The following CAMTA1 variants were observed in gnomAD, a reference collection of about 807,000 sequenced individuals.
CAMTA1 encodes calmodulin binding transcription activator 1.
Under a neutral mutation model 170.9 loss-of-function variants are expected in CAMTA1, and 27 were observed. That is an observed-to-expected ratio of 0.16 (90% confidence interval 0.12 to 0.22). The LOEUF (loss-of-function observed/expected upper bound fraction) is 0.22, where lower values mean the gene tolerates loss of function less well. CAMTA1 is among the 10% of genes least tolerant of loss of function. CAMTA1 has a pLI of 1.00. For synonymous variants in CAMTA1, 833 were observed against 891.5 expected, an observed-to-expected ratio of 0.93 and a Z score of 1.17; for missense variants, 1,619 against 2,217.2, an observed-to-expected ratio of 0.73 and a Z score of 5.42.
rs149691104 is a variant in CAMTA1, at chr1:7,507,622, C to T, written c.510+39721C>T. Among the ~76,000 whole-genome samples the T allele has an allele frequency of 2.3e-4, 35 of 152,330 alleles. No homozygotes were observed. In the East Asian group the frequency reaches 6.8e-3, roughly 29 times the overall value. On this transcript the variant is annotated intron_variant, in intron 6 of 22. Transcript: ENST00000303635. The stretch of plus-strand genomic sequence containing the variant: ...CGAGGAGCCCTGCAAGATGGAAGTG[C>T]AGGAAGGAGGGAGGCAGGGTGGAGG...
At chr1:7,468,836 T>C (rs1230579740) in intron 6 of CAMTA1, among the ~76,000 whole-genome samples, 1 of 151,858 alleles carries the variant, frequency 6.6e-6, no homozygotes, top group Non-Finnish European at 1.5e-5. Context: ...GGGGGTGTAG[T>C]TGGAGGGGCC....
chr1:7,643,638 A>C (rs1576559322), intron 7 of CAMTA1, among the ~76,000 whole-genome samples: 3 of 152,368 alleles, frequency 2.0e-5, no homozygotes, highest in Admixed American at 2.0e-4. Flanking sequence ...GGGAACTGTG[A>C]ATGCCTGCTC....
At chr1:7,105,028 G>T (rs1490765341) in intron 4 of CAMTA1, among the ~76,000 whole-genome samples, 1 of 152,104 alleles carries the variant, frequency 6.6e-6, no homozygotes, top group Non-Finnish European at 1.5e-5. Context: ...GTGTGTCTGG[G>T]AATATCTCTA....
intron 5 of CAMTA1, among the ~76,000 whole-genome samples, chr1:7,439,568 C>T (rs1321179822): frequency 6.6e-6 from 1 of 152,214 alleles, no homozygotes; most frequent in Non-Finnish European, 1.5e-5. Context: ...TGAGGACCCT[C>T]TGAGCTACTG....
chr1:7,631,094 T>C (rs759132752), intron 6 of CAMTA1, among the ~76,000 whole-genome samples: 3 of 152,104 alleles, frequency 2.0e-5, no homozygotes, highest in Non-Finnish European at 4.4e-5. Context: ...ACAGAGGGTG[T>C]TCTAACTACT....
chr1:7,307,794 G>A (rs1675819539), intron 5 of CAMTA1, among the ~76,000 whole-genome samples: 1 of 151,662 alleles, frequency 6.6e-6, no homozygotes. Flanking sequence ...TGTTTCTGAG[G>A]GATATTGGTT....
chr1:7,409,176 C>G (rs986768163), intron 5 of CAMTA1, among the ~76,000 whole-genome samples: 3 of 152,218 alleles, frequency 2.0e-5, no homozygotes, highest in Non-Finnish European at 4.4e-5. Context: ...GGTCCACCTA[C>G]TCAGGGCATG....
intron 3 of CAMTA1, among the ~76,000 whole-genome samples, chr1:6,960,299 A>T (rs867750326): frequency 6.6e-6 from 1 of 152,126 alleles, no homozygotes; most frequent in East Asian, 1.9e-4. Flanking sequence ...AGGGGGCCAG[A>T]TGGAGGGAAA....
intron 5 of CAMTA1, among the ~76,000 whole-genome samples, chr1:7,451,553 G>A (rs925923576): frequency 6.6e-6 from 1 of 152,142 alleles, no homozygotes; most frequent in Non-Finnish European, 1.5e-5. Flanking sequence ...ACCAGAATAC[G>A]CACTGTGTGC....
intron 3 of CAMTA1, among the ~76,000 whole-genome samples, chr1:6,942,922 T>G (rs1686898645): frequency 6.6e-6 from 1 of 152,180 alleles, no homozygotes; most frequent in Non-Finnish European, 1.5e-5. Flanking sequence ...CAGTCTGCTC[T>G]GGGCCGAGCA....
At chr1:7,656,393 G>C (rs1444294089) in intron 7 of CAMTA1, among the ~76,000 whole-genome samples, 1 of 152,190 alleles carries the variant, frequency 6.6e-6, no homozygotes, top group East Asian at 1.9e-4. Context: ...GGCACTCCTG[G>C]TGTCTCCTCC....
intron 7 of CAMTA1, among the ~76,000 whole-genome samples, chr1:7,660,831 G>A (rs909765684): frequency 1.3e-5 from 2 of 152,222 alleles, no homozygotes; most frequent in Non-Finnish European, 2.9e-5. Flanking sequence ...CCCCAAAGCT[G>A]CGAATCCACT....
At chr1:7,094,323 T>G (rs1363737475) in intron 4 of CAMTA1, among the ~76,000 whole-genome samples, 1 of 128,082 alleles carries the variant, frequency 7.8e-6, no homozygotes, top group African/African-American at 2.9e-5. Flanking sequence ...TCATACAAAC[T>G]GGCCTCCTGG....
At chr1:6,999,758 G>A (rs1371180215) in intron 3 of CAMTA1, among the ~76,000 whole-genome samples, 1 of 152,144 alleles carries the variant, frequency 6.6e-6, no homozygotes, top group African/African-American at 2.4e-5. Context: ...GGTCATACAG[G>A]TCTAGGCCAG....
chr1:7,180,095 G>A (rs1011498361), intron 4 of CAMTA1, among the ~76,000 whole-genome samples: 16 of 152,088 alleles, frequency 1.1e-4, no homozygotes, highest in African/African-American at 2.7e-4. Context: ...GGCCGGGTGC[G>A]GTGGCTCACA....
At chr1:7,425,215 C>G (rs543564297) in intron 5 of CAMTA1, among the ~76,000 whole-genome samples, 1 of 152,196 alleles carries the variant, frequency 6.6e-6, no homozygotes, top group Non-Finnish European at 1.5e-5. Context: ...GGAAGACTTC[C>G]TGCTCTGAGA....
At chr1:7,735,689 C>T (rs897211077) in intron 12 of CAMTA1, among the ~76,000 whole-genome samples, 1 of 152,080 alleles carries the variant, frequency 6.6e-6, no homozygotes, top group East Asian at 1.9e-4. Flanking sequence ...GAGCTGTGGA[C>T]TTCAGAGAAG....
intron 4 of CAMTA1, among the ~76,000 whole-genome samples, chr1:7,240,700 T>C (rs926035525): frequency 6.6e-6 from 1 of 152,020 alleles, no homozygotes; most frequent in Non-Finnish European, 1.5e-5. Context: ...GAGACAGGGT[T>C]TTGCCATGTT....
rs1467707449 is a variant in CAMTA1 at position 7,745,054 on chromosome 1, A to T, written c.4370+32A>T. The T allele has an allele frequency of 2.5e-6, 4 of 1,569,312 alleles. No individual in the cohort carries two copies. The East Asian group carries it at 9.0e-5, about 35-fold the overall frequency. Reference sequence around the variant, plus strand: ...AAAGTTACGGAGGTCACTACCCAGCATAGATTCCCGGATGTAATTGGAGGC... The same window carrying T: ...AAAGTTACGGAGGTCACTACCCAGCTTAGATTCCCGGATGTAATTGGAGGC... On this transcript the variant is annotated intron_variant, in intron 17 of 22. Transcript: ENST00000303635.
Sources: allele counts gnomAD v4.1 joint callset (sites outside exome capture counted in the v4.1 genomes callset), GRCh38; gene constraint gnomAD v4.1.1; transcripts MANE v1.5; gene names NCBI Gene and HGNC (gene_info 2026-07-23, HGNC 2026-07-21).